Variants in ERBIN observed in about 807,000 individuals in gnomAD.
ERBIN encodes the protein erbb2 interacting protein, also known as densin-180-like protein.
In ERBIN, 60 loss-of-function variants were observed where a neutral mutation model predicts 158.4. The ratio of observed to expected loss-of-function variants is 0.38; its 90% CI spans 0.31 to 0.47. The LOEUF (loss-of-function observed/expected upper bound fraction) is 0.47, where lower values mean the gene tolerates loss of function less well. ERBIN is among the 20% of genes least tolerant of loss of function. The pLI is 0.99. For synonymous variants in ERBIN, 594 were observed against 557.2 expected, an observed-to-expected ratio of 1.07 and a Z score of -0.93; for missense variants, 1,610 against 1,648.0, an observed-to-expected ratio of 0.98 and a Z score of 0.40.
At chr5:65,999,931 T>C (rs1476371094) in intron 4 of ERBIN, among the ~76,000 whole-genome samples, 1 of 152,232 alleles carries the variant, frequency 6.6e-6, no homozygotes, top group Non-Finnish European at 1.5e-5. Flanking sequence ...TCTAGAATTA[T>C]TGTCACTTTA....
At chr5:65,969,272 G>A (rs902451641) in intron 1 of ERBIN, among the ~76,000 whole-genome samples, 2 of 152,204 alleles carry the variant, frequency 1.3e-5, no homozygotes, top group Non-Finnish European at 2.9e-5. Context: ...AAAGAAACAA[G>A]TTACTCTTAT....
chr5:66,068,815 CAT>C, intron 21 of ERBIN: 1 of 1,402,808 alleles, frequency 7.1e-7, no homozygotes, highest in Non-Finnish European at 9.5e-7. Context: ...ACGTATATAA[CAT>C]GTCTCGTGGA....
At position 66,009,762 on chromosome 5, in the gene ERBIN, A is replaced by G. The variant is rs532963716; in HGVS notation, c.308-2287A>G. On this transcript the variant is annotated intron_variant, in intron 4 of 25. Transcript: ENST00000284037. ...TTCCTGTCTCCCATCTTCAAAAGAAACATCTCCCACATTCCTATTTTATCA... is the reference window on the plus strand; with the variant it reads ...TTCCTGTCTCCCATCTTCAAAAGAAGCATCTCCCACATTCCTATTTTATCA... 8.6e-4 allele frequency among the ~76,000 whole-genome samples: 131 copies of G among 152,312 alleles called. 1 individual carries two copies. The South Asian group carries it at 0.015, about 17-fold the overall frequency.
At chr5:66,069,489 G>A (rs1404285938) in intron 21 of ERBIN, among the ~76,000 whole-genome samples, 1 of 152,158 alleles carries the variant, frequency 6.6e-6, no homozygotes, top group Non-Finnish European at 1.5e-5. Context: ...TGTGAGACTG[G>A]AGAAATTGTA....
chr5:66,073,478 A>G (rs1561459129), intron 22 of ERBIN, among the ~76,000 whole-genome samples: 1 of 152,188 alleles, frequency 6.6e-6, no homozygotes, highest in Admixed American at 6.5e-5. Context: ...TTTGTCAGTA[A>G]CATCCTTGTG....
intron 14 of ERBIN, among the ~76,000 whole-genome samples, chr5:66,032,098 A>T (rs190576335): frequency 6.6e-6 from 1 of 152,182 alleles, no homozygotes; most frequent in African/African-American, 2.4e-5. Context: ...GCAGCATAGT[A>T]TATTCCATAA....
chr5:66,003,770 A>G (rs779940984), intron 4 of ERBIN, among the ~76,000 whole-genome samples: 1 of 152,092 alleles, frequency 6.6e-6, no homozygotes, highest in Non-Finnish European at 1.5e-5. Context: ...AGGACTAGTG[A>G]TAGTACCAGG....
At chr5:66,005,640 C>T (rs1323129028) in intron 4 of ERBIN, among the ~76,000 whole-genome samples, 1 of 152,172 alleles carries the variant, frequency 6.6e-6, no homozygotes, top group Non-Finnish European at 1.5e-5. Flanking sequence ...GATTGTATAT[C>T]TGGAAGACCC....
chr5:66,067,880 GCAGGAGGATGGCTTGAGCC>G (rs1370135606), intron 21 of ERBIN, among the ~76,000 whole-genome samples: 4 of 152,170 alleles, frequency 2.6e-5, no homozygotes, highest in African/African-American at 9.7e-5. Context: ...GGAGCCTGAG[GCAGGAGGATGGCTTGAGCC>G]CAGGAATTTG....
chr5:65,973,782 A>G (rs1169606450), intron 1 of ERBIN, among the ~76,000 whole-genome samples: 1 of 151,370 alleles, frequency 6.6e-6, no homozygotes, highest in African/African-American at 2.5e-5. Context: ...TATAAAGGCA[A>G]ATTGGGAATA....
At chr5:66,032,313 T>G (rs1561401125) in intron 14 of ERBIN, among the ~76,000 whole-genome samples, 1 of 152,194 alleles carries the variant, frequency 6.6e-6, no homozygotes, top group Non-Finnish European at 1.5e-5. Context: ...AAAAATTGTG[T>G]TGCAGATTCT....
chr5:66,028,684 C>G (rs1208010305), intron 14 of ERBIN, among the ~76,000 whole-genome samples: 2 of 152,072 alleles, frequency 1.3e-5, no homozygotes, highest in African/African-American at 4.8e-5. Flanking sequence ...TCGGCAATTT[C>G]AAGACTATAA....
At chr5:66,065,591 C>CTGTGTG (rs56164922) in intron 21 of ERBIN, among the ~76,000 whole-genome samples, 21 of 109,392 alleles carry the variant, frequency 1.9e-4, no homozygotes, top group East Asian at 5.6e-4. Flanking sequence ...TAATTTTGAC[C>CTGTGTG]TGTGTGTGTG....
chr5:66,038,298 G>A (rs962190517), intron 14 of ERBIN, 85 bp from the exon 15 acceptor site: 4 of 735,726 alleles, frequency 5.4e-6, no homozygotes, highest in Non-Finnish European at 8.9e-6. Flanking sequence ...TATAGAAAAA[G>A]TGGTGTGTAC....
chr5:66,051,091 T>G, intron 20 of ERBIN, 125 bp downstream of exon 20: 1 of 567,420 alleles, frequency 1.8e-6, no homozygotes, highest in Non-Finnish European at 2.9e-6. Context: ...ATATGTTTTA[T>G]TTCCCCATTT....
rs529100342 is a variant in ERBIN, at chr5:65,937,356, A to G, written c.-58+10550A>G. Among the ~76,000 whole-genome samples the G allele has an allele frequency of 9.2e-5, 14 of 152,302 alleles. No homozygotes were observed. In the East Asian group the frequency reaches 2.7e-3, roughly 29 times the overall value. ...AAAATAATCTAGCTTTATGCTCCCC[A>G]AATTTCTAACTAGTTGTAGTGCCGT... On this transcript the variant is annotated intron_variant, in intron 1 of 25. Coordinates refer to ENST00000284037, the MANE Select transcript of ERBIN (RefSeq NM_001253697.2).
intron 21 of ERBIN, among the ~76,000 whole-genome samples, chr5:66,062,272 C>T (rs780389758): frequency 1.9e-3 from 292 of 152,188 alleles, no homozygotes; most frequent in Non-Finnish European, 3.4e-3. Context: ...AACTTCTCTT[C>T]ACGCTTCATT....
intron 1 of ERBIN, among the ~76,000 whole-genome samples, chr5:65,934,098 G>GT: frequency 6.6e-6 from 1 of 152,038 alleles, no homozygotes; most frequent in Non-Finnish European, 1.5e-5. Context: ...GGGTTTCACC[G>GT]TGTTAGCCAG....
chr5:65,952,941 TAAA>T (rs918773542), intron 1 of ERBIN, among the ~76,000 whole-genome samples: 6 of 152,144 alleles, frequency 3.9e-5, no homozygotes, highest in African/African-American at 1.4e-4. Flanking sequence ...AAATCAATCT[TAAA>T]AAAGAACTTG....
Sources: gnomAD v4.1 joint callset for allele counts (sites outside exome capture counted in the v4.1 genomes callset) on GRCh38, gnomAD v4.1.1 for gene constraint, MANE v1.5 for transcripts, NCBI Gene and HGNC (gene_info 2026-07-23, HGNC 2026-07-21) for gene names.